The following SLC25A43 variants were observed in gnomAD, a reference collection of about 807,000 sequenced individuals.
The protein encoded by SLC25A43 is solute carrier family 25 member 43.
Under a neutral mutation model 22.8 loss-of-function variants are expected in SLC25A43, and 10 were observed. That is an observed-to-expected ratio of 0.44 (90% CI 0.27 to 0.74). The LOEUF (loss-of-function observed/expected upper bound fraction) is 0.74, where lower values mean the gene tolerates loss of function less well. SLC25A43 is among the 30% of genes least tolerant of loss of function. SLC25A43 has a pLI of 0.17. For missense variants in SLC25A43, 233 were observed against 279.1 expected, an observed-to-expected ratio of 0.83 and a Z score of 1.18; for synonymous variants, 106 against 121.6, an observed-to-expected ratio of 0.87 and a Z score of 0.84.
chrX:119,405,481 G>A (rs941388436), intron 1 of SLC25A43, among the ~76,000 whole-genome samples: 10 of 108,092 alleles, frequency 9.3e-5, no homozygotes, highest in Admixed American at 5.0e-4. Flanking sequence ...AAGATAGGCC[G>A]GGCACAGTGG....
intron 3 of SLC25A43, among the ~76,000 whole-genome samples, chrX:119,446,247 A>G (rs2147297188): frequency 1.8e-5 from 2 of 109,975 alleles, no homozygotes; most frequent in African/African-American, 6.6e-5. Flanking sequence ...ATTGTAATTC[A>G]TTCTTCTACA....
Position 119,417,443 on chromosome X carries a change from AAAG to A in SLC25A43, c.690+7084_690+7086del, listed in dbSNP as rs769924255. 9.1e-4 allele frequency among the ~76,000 whole-genome samples: 101 copies of A among 110,678 alleles called. 1 individual carries two copies. Among genetic ancestry groups the A allele is most frequent in the African/African-American group, 3.3e-3 (100 of 30,501 alleles). ...TCTGTCTCAAAAAAAAGAGAAAAGA[AAAG>A]AAAAAGGTTTCAGATGAAGTTCAAT... On this transcript the variant is annotated intron_variant, in intron 3 of 4. Coordinates refer to ENST00000217909, the MANE Select transcript of SLC25A43 (RefSeq NM_145305.3).
At chrX:119,452,490 G>T (rs1191781395) in intron 4 of SLC25A43, among the ~76,000 whole-genome samples, 1 of 72,228 alleles carries the variant, frequency 1.4e-5, no homozygotes, top group African/African-American at 5.8e-5. Flanking sequence ...AGAACTCCAT[G>T]ACAAAAAAAA....
intron 3 of SLC25A43, chrX:119,426,122 C>T (rs1276979937): frequency 1.8e-6 from 1 of 553,617 alleles, no homozygotes. Flanking sequence ...AGAGGGAGGA[C>T]CCGCAGCTGG....
At chrX:119,447,358 T>A (rs2052676455) in intron 3 of SLC25A43, among the ~76,000 whole-genome samples, 1 of 111,408 alleles carries the variant, frequency 9.0e-6, no homozygotes, top group South Asian at 3.8e-4. Context: ...CAGGCTGGAG[T>A]ACAGTGGCAC....
At chrX:119,429,311 A>T (rs1453884361) in intron 3 of SLC25A43, among the ~76,000 whole-genome samples, 1 of 111,060 alleles carries the variant, frequency 9.0e-6, no homozygotes, top group Non-Finnish European at 1.9e-5. Flanking sequence ...CGGCCTCCCA[A>T]AGTGCTGGGA....
intron 3 of SLC25A43, among the ~76,000 whole-genome samples, chrX:119,418,187 A>T (rs1418022883): frequency 1.8e-5 from 2 of 111,393 alleles, no homozygotes; most frequent in Admixed American, 1.9e-4. Flanking sequence ...CTAATGCTAA[A>T]CTTGTTGGTT....
At chrX:119,405,638 C>T (rs1210086450) in intron 1 of SLC25A43, among the ~76,000 whole-genome samples, 2 of 99,890 alleles carry the variant, frequency 2.0e-5, no homozygotes, top group African/African-American at 3.8e-5. Context: ...GGCATGGTGG[C>T]GCACATCTGT....
intron 1 of SLC25A43, among the ~76,000 whole-genome samples, chrX:119,404,164 A>C (rs751158409): frequency 2.7e-5 from 3 of 109,935 alleles, no homozygotes; most frequent in Non-Finnish European, 5.7e-5. Flanking sequence ...TGCCCAGCTA[A>C]TTTTTGTAAT....
rs1019194353 is a variant in SLC25A43, at chrX:119,451,700, T to C, written c.691-309T>C. 1.7e-5 allele frequency: 9 copies of C among 532,026 alleles called. No individual in the cohort carries two copies. The African/African-American group carries it at 1.8e-4, about 10-fold the overall frequency. The allele number at this position is 532,026 out of a possible 1,213,427, so 43.8% of individuals were successfully genotyped here. ...TAAAAAGGCTAAGGGCATGGGATTA[T>C]GTTTATCATGTCCAGAAGGCACAGG... On this transcript the variant is annotated intron_variant, in intron 3 of 4. Transcript: ENST00000217909.
Position 119,454,463 on chromosome X carries a change from T to C in SLC25A43, c.*1398T>C, listed in dbSNP as rs1023843858. ...CAAGTATTTTTTCCGATTAAATTTA[T>C]TTTCCAAAGAAAAAATGATGTGTTG... On this transcript the variant is annotated 3_prime_UTR_variant, in exon 5 of 5. Transcript: ENST00000217909. 8.9e-6 allele frequency: 1 copy of C among 112,747 alleles called. No individual in the cohort carries two copies. Among genetic ancestry groups the C allele is most frequent in the Non-Finnish European group, 1.9e-5 (1 of 53,367 alleles). The allele number at this position is 112,747 out of a possible 1,213,427, so 9.3% of individuals were successfully genotyped here. A position where few individuals can be genotyped will look rare whatever the true frequency, so the allele number is the denominator to read the frequency against.
chrX:119,428,432 G>A (rs946150375), intron 3 of SLC25A43, among the ~76,000 whole-genome samples: 1 of 110,883 alleles, frequency 9.0e-6, no homozygotes, highest in African/African-American at 3.3e-5. Flanking sequence ...TCCAGCCTGG[G>A]TGATAAGAGT....
In SLC25A43 at chrX:119,454,180, T is replaced by C. The variant is rs994566942; in HGVS notation, c.*1115T>C. 3 of 112,153 alleles carry C rather than the reference T, an allele frequency of 2.7e-5. No homozygotes were observed. In the Admixed American group the frequency reaches 2.9e-4, roughly 11 times the overall value. The allele number at this position is 112,153 out of a possible 1,213,427, so 9.2% of individuals were successfully genotyped here. A position where few individuals can be genotyped will look rare whatever the true frequency, so the allele number is the denominator to read the frequency against. On this transcript the variant is annotated 3_prime_UTR_variant, in exon 5 of 5. Coordinates refer to ENST00000217909, the MANE Select transcript of SLC25A43 (RefSeq NM_145305.3). ...AGATGTCCCAGTTGCCTAGAAAGGA[T>C]CAAATGGAACATTTGACACACATAC...
At chrX:119,424,444 C>T (rs1017607987) in intron 3 of SLC25A43, among the ~76,000 whole-genome samples, 1 of 109,614 alleles carries the variant, frequency 9.1e-6, no homozygotes, top group Admixed American at 9.8e-5. Flanking sequence ...GGACTTGAAC[C>T]TATGTCTCTC....
chrX:119,412,526 A>G (rs143487562), intron 3 of SLC25A43, among the ~76,000 whole-genome samples: 61 of 111,445 alleles, frequency 5.5e-4, no homozygotes, highest in African/African-American at 1.9e-3. Flanking sequence ...GGCATGTGCC[A>G]CTACACCCAG....
In SLC25A43 at chrX:119,452,127, C is replaced by T. The variant is rs151160418; in HGVS notation, c.809C>T (p.Thr270Ile). 36 of 1,195,761 alleles carry T rather than the reference C, an allele frequency of 3.0e-5. 1 individual carries two copies. In the African/African-American group the frequency reaches 5.1e-4, roughly 17 times the overall value. The change falls in exon 4 of 5, where the codon ACA (threonine) becomes ATA (isoleucine). Residue 270 changes from threonine (T) to isoleucine (I), a missense_variant. Transcript: ENST00000217909. ...QGVLGLWNGL[T>I]ANLLKIVPYF... ...GTCCTGGGGCTCTGGAATGGATTGA[C>T]AGCCAATTTACTGAAGGTGAGAAGA...
chrX:119,407,193 C>T (rs1173386698), intron 2 of SLC25A43, among the ~76,000 whole-genome samples: 1 of 111,954 alleles, frequency 8.9e-6, no homozygotes, highest in African/African-American at 3.3e-5. Context: ...TCCAGGACCC[C>T]TCCAAGTCCT....
At position 119,452,881 on chromosome X, in the gene SLC25A43, G is replaced by A; in HGVS notation, c.842G>A (p.Gly281Glu). 8.3e-7 allele frequency: 1 copy of A among 1,207,683 alleles called. No individual in the cohort carries two copies. Among genetic ancestry groups the A allele is most frequent in the Non-Finnish European group, 1.1e-6 (1 of 893,635 alleles). The change falls in exon 5 of 5, where the codon GGA becomes GAA. Residue 281 changes from glycine (G) to glutamate (E), a missense_variant. Coordinates refer to ENST00000217909, the MANE Select transcript of SLC25A43 (RefSeq NM_145305.3). ...ANLLKIVPYF[G>E]IMFSTFEFCK... ...TTTTAACAGATAGTTCCATATTTTG[G>A]AATTATGTTTAGCACCTTTGAGTTC...
intron 3 of SLC25A43, among the ~76,000 whole-genome samples, chrX:119,432,989 C>G (rs962989170): frequency 9.1e-6 from 1 of 109,858 alleles, no homozygotes; most frequent in Non-Finnish European, 1.9e-5. Context: ...ATCCCAGCTA[C>G]TCGGGAGGCT....
Sources: gnomAD v4.1 joint callset for allele counts (sites outside exome capture counted in the v4.1 genomes callset) on GRCh38, gnomAD v4.1.1 for gene constraint, MANE v1.5 for transcripts, NCBI Gene and HGNC (gene_info 2026-07-23, HGNC 2026-07-21) for gene names.